CCDC171: variants seen among roughly 807,000 people sequenced by gnomAD.
The protein encoded by CCDC171 is coiled-coil domain-containing protein 171.
A neutral mutation model predicts 168.2 loss-of-function variants in CCDC171; 177 were observed. The observed-to-expected ratio is 1.05, with a 90% CI of 0.93 to 1.19. The LOEUF (loss-of-function observed/expected upper bound fraction) is 1.19. Among genes scored for constraint, CCDC171 ranks in the 50% most tolerant of loss-of-function variants. The pLI, the probability that CCDC171 is intolerant of heterozygous loss-of-function variation, is 0.00. For missense variants in CCDC171, 1,991 were observed against 1,539.0 expected (o/e 1.29, Z -4.91); for synonymous variants, 687 against 540.8 (o/e 1.27, Z -3.75).
chr9:15,570,728 G>A (rs904422636), intron 2 of CCDC171, among the ~76,000 whole-genome samples: 2 of 152,166 alleles, frequency 1.3e-5, no homozygotes, highest in Admixed American at 6.6e-5. Context: ...GACTGCCATC[G>A]TTCTGGCAAG....
chr9:15,724,002 A>G (rs148860811), intron 13 of CCDC171, among the ~76,000 whole-genome samples: 1 of 152,326 alleles, frequency 6.6e-6, no homozygotes, highest in East Asian at 1.9e-4. Context: ...ATAATACCTT[A>G]TGAGATTCAA....
At chr9:15,980,925 TTC>T (rs1366826383) in intron 3 of CCDC171, among the ~76,000 whole-genome samples, 3 of 151,588 alleles carry the variant, frequency 2.0e-5, no homozygotes, top group Non-Finnish European at 4.4e-5. Context: ...GAACCTACAG[TTC>T]CATGTGGTTG....
At chr9:15,574,823 A>C (rs1405834872) in intron 3 of CCDC171, among the ~76,000 whole-genome samples, 1 of 152,176 alleles carries the variant, frequency 6.6e-6, no homozygotes, top group Non-Finnish European at 1.5e-5. Context: ...TGGGCAAGTT[A>C]ATTTATTTTT....
At chr9:15,693,135 TCAAAA>T (rs1056649713) in intron 10 of CCDC171, among the ~76,000 whole-genome samples, 12 of 152,072 alleles carry the variant, frequency 7.9e-5, no homozygotes, top group East Asian at 3.9e-4. Flanking sequence ...AGACTCTGTC[TCAAAA>T]CAAAACAAAA....
chr9:15,621,659 G>A (rs987320116), intron 6 of CCDC171, among the ~76,000 whole-genome samples: 4 of 152,188 alleles, frequency 2.6e-5, no homozygotes, highest in Non-Finnish European at 5.9e-5. Flanking sequence ...GGAGAAAAGG[G>A]AACACTTATG....
chr9:15,587,798 G>T, intron 4 of CCDC171: 1 of 283,996 alleles, frequency 3.5e-6, no homozygotes, highest in Non-Finnish European at 7.3e-6. Flanking sequence ...CTTTAAAATG[G>T]AGAGAAGAAA....
At position 15,645,454 on chromosome 9, in the gene CCDC171, A is replaced by T. The variant is rs551777594; in HGVS notation, c.823-11673A>T. On this transcript the variant is annotated intron_variant, in intron 7 of 25. Transcript: ENST00000380701. ...CGGTAATAACAAACTGCTCTGAGCT[A>T]AAGGAGGATGTTCGAGCCCATTGTG... is the stretch of plus-strand genomic sequence containing the variant. Among the ~76,000 whole-genome samples, 8 of 152,316 alleles carry T rather than the reference A, an allele frequency of 5.3e-5. No individual in the cohort carries two copies. In the South Asian group the frequency reaches 1.7e-3, roughly 32 times the overall value.
At chr9:15,836,225 C>G (rs974863146) in intron 21 of CCDC171, among the ~76,000 whole-genome samples, 7 of 152,186 alleles carry the variant, frequency 4.6e-5, no homozygotes, top group East Asian at 3.8e-4. Flanking sequence ...TTTACAACCA[C>G]AAGTGATTTC....
the CCDC171 span, among the ~76,000 whole-genome samples, chr9:16,091,926 G>A: frequency 6.6e-6 from 1 of 152,162 alleles, no homozygotes; most frequent in East Asian, 1.9e-4. Flanking sequence ...AATGAACAAA[G>A]ACATAAGAGG....
At chr9:15,728,519 A>G (rs10756697) in intron 15 of CCDC171, among the ~76,000 whole-genome samples, 55,512 of 152,052 alleles carry the variant, frequency 0.37, 12,651 homozygotes, top group East Asian at 0.66. Context: ...TGCTTCTCGA[A>G]ATACAACAAA....
intron 4 of CCDC171, among the ~76,000 whole-genome samples, chr9:15,590,769 TTC>T (rs1223868945): frequency 3.8e-4 from 40 of 104,666 alleles, no homozygotes; most frequent in East Asian, 3.9e-4. Context: ...CTTTCTTTCT[TTC>T]TCTTTCTTTC....
intron 1 of CCDC171, among the ~76,000 whole-genome samples, chr9:15,560,830 A>T (rs1202286675): frequency 7.0e-6 from 1 of 142,556 alleles, no homozygotes; most frequent in Non-Finnish European, 1.5e-5. Flanking sequence ...TAGAATTTTC[A>T]GCTTTTCTGC....
the CCDC171 span, among the ~76,000 whole-genome samples, chr9:16,068,693 C>T: frequency 1.3e-5 from 2 of 152,120 alleles, 1 homozygote; most frequent in Middle Eastern, 6.8e-3. Flanking sequence ...GCCTGGCACG[C>T]AGTCAACATT....
the CCDC171 span, among the ~76,000 whole-genome samples, chr9:16,070,031 C>A: frequency 6.6e-6 from 1 of 152,194 alleles, no homozygotes; most frequent in South Asian, 2.1e-4. Context: ...CTCTGCCTTG[C>A]TCTCTGAGGG....
chr9:15,623,496 C>CAT, intron 7 of CCDC171, 83 bp downstream of exon 7: 1 of 666,284 alleles, frequency 1.5e-6, no homozygotes, highest in South Asian at 3.3e-5. Context: ...CACACACACA[C>CAT]ACACACACAC....
chr9:15,560,248 G>A (rs575058576), intron 1 of CCDC171, among the ~76,000 whole-genome samples: 2 of 152,168 alleles, frequency 1.3e-5, no homozygotes, highest in Admixed American at 6.5e-5. Context: ...GGCGTTCTCT[G>A]TATTTCCTGA....
intron 18 of CCDC171, among the ~76,000 whole-genome samples, chr9:15,767,150 A>T (rs543114983): frequency 6.6e-6 from 1 of 152,322 alleles, no homozygotes; most frequent in South Asian, 2.1e-4. Flanking sequence ...AAATTGTCAC[A>T]ATCTGTGGCT....
chr9:15,564,031 A>G lies in CCDC171; in HGVS notation c.-58A>G. The G allele has an allele frequency of 1.4e-6, 2 of 1,396,978 alleles. No homozygotes were observed. The highest frequency in any genetic ancestry group is 1.2e-5 in the South Asian group (1 of 82,970). 86.5% of individuals were successfully genotyped at this position (1,396,978 alleles called of 1,614,324 possible). On this transcript the variant is annotated 5_prime_UTR_variant, in exon 2 of 26. Coordinates refer to ENST00000380701, the MANE Select transcript of CCDC171 (RefSeq NM_173550.4). ...GACATCTTGGGCAATTTTAATCATC[A>G]AGAAAGAAATATGTCATTAAGAAAT...
intron 16 of CCDC171, among the ~76,000 whole-genome samples, chr9:15,735,963 A>G (rs544721472): frequency 4.7e-4 from 72 of 152,242 alleles, no homozygotes; most frequent in African/African-American, 1.6e-3. Context: ...ATAATTTTCA[A>G]TGCTTTTGCA....
Sources: gnomAD v4.1 joint callset for allele counts (sites outside exome capture counted in the v4.1 genomes callset) on GRCh38, gnomAD v4.1.1 for gene constraint, MANE v1.5 for transcripts, NCBI Gene and HGNC (gene_info 2026-07-23, HGNC 2026-07-21) for gene names.